CHLSN: variants seen among roughly 807,000 people sequenced by gnomAD.
CHLSN encodes protein cholesin.
chr7:1,107,076 G>A, the CHLSN span, among the ~76,000 whole-genome samples: 14 of 152,208 alleles, frequency 9.2e-5, no homozygotes, highest in Admixed American at 2.6e-4. Flanking sequence ...ACTCGACTCC[G>A]GGAAGGAAGG....
chr7:1,067,961 GGCTTCCC>G, the CHLSN span, among the ~76,000 whole-genome samples: 1 of 152,166 alleles, frequency 6.6e-6, no homozygotes, highest in African/African-American at 2.4e-5. Flanking sequence ...ACACCAGGGA[GGCTTCCC>G]GCCTCTGGCA....
the CHLSN span, among the ~76,000 whole-genome samples, chr7:1,107,805 G>A: frequency 8.6e-5 from 13 of 151,836 alleles, no homozygotes; most frequent in African/African-American, 3.1e-4. Flanking sequence ...ACCCCTGGAG[G>A]AAGCAGAGGA....
the CHLSN span, among the ~76,000 whole-genome samples, chr7:1,060,198 C>T: frequency 6.6e-6 from 1 of 152,118 alleles, no homozygotes; most frequent in African/African-American, 2.4e-5. Flanking sequence ...CGCCTCTCCC[C>T]GATTTTCTAG....
chr7:1,089,022 G>C, the CHLSN span, among the ~76,000 whole-genome samples: 1 of 152,092 alleles, frequency 6.6e-6, no homozygotes, highest in Non-Finnish European at 1.5e-5. Flanking sequence ...ACAAAATTAG[G>C]AAAGAAAATA....
At chr7:1,068,040 C>A in the CHLSN span, among the ~76,000 whole-genome samples, 4 of 152,164 alleles carry the variant, frequency 2.6e-5, no homozygotes, top group African/African-American at 4.8e-5. Context: ...GCACACGCTG[C>A]GGCCCCAGCA....
the CHLSN span, among the ~76,000 whole-genome samples, chr7:1,075,100 G>A: frequency 2.0e-5 from 3 of 152,272 alleles, no homozygotes; most frequent in South Asian, 4.1e-4. Flanking sequence ...CAGCCTTGCC[G>A]CCACCTCCAT....
the CHLSN span, chr7:986,729 C>T: frequency 7.3e-5 from 117 of 1,610,926 alleles, no homozygotes; most frequent in African/African-American, 1.3e-3. Flanking sequence ...CCTGGAGGCG[C>T]GGAGGCCCCA....
chr7:995,025 G>A, the CHLSN span, among the ~76,000 whole-genome samples: 3 of 152,244 alleles, frequency 2.0e-5, no homozygotes, highest in East Asian at 1.9e-4. Flanking sequence ...CGTGAGGGTC[G>A]TCTCCAGGCT....
the CHLSN span, chr7:997,936 G>A: frequency 2.6e-6 from 2 of 777,894 alleles, no homozygotes; most frequent in Non-Finnish European, 4.1e-6. Flanking sequence ...CCGAGGGTGT[G>A]GGCGGCCTGG....
the CHLSN span, chr7:997,823 G>T: frequency 1.3e-6 from 2 of 1,599,820 alleles, no homozygotes; most frequent in Non-Finnish European, 1.7e-6. Flanking sequence ...GAAAGAGATC[G>T]AGTTGGTCAG....
the CHLSN span, among the ~76,000 whole-genome samples, chr7:1,135,085 T>A: frequency 6.6e-6 from 1 of 152,118 alleles, no homozygotes; most frequent in Non-Finnish European, 1.5e-5. Flanking sequence ...TTGACAGGCA[T>A]TTTTCACTTG....
the CHLSN span, among the ~76,000 whole-genome samples, chr7:1,072,370 A>G: frequency 1.5e-4 from 23 of 152,342 alleles, no homozygotes; most frequent in African/African-American, 4.3e-4. Flanking sequence ...AGTGGGGCAG[A>G]CACCGGTTGG....
chr7:1,126,752 T>C, the CHLSN span, among the ~76,000 whole-genome samples: 1 of 152,208 alleles, frequency 6.6e-6, no homozygotes, highest in South Asian at 2.1e-4. Flanking sequence ...TGGTGGTGGA[T>C]ACTCAAATCT....
the CHLSN span, among the ~76,000 whole-genome samples, chr7:1,065,443 C>CA: frequency 6.6e-6 from 1 of 152,276 alleles, no homozygotes; most frequent in Non-Finnish European, 1.5e-5. Flanking sequence ...GACAGATAAA[C>CA]AGATGTGGCC....
chr7:997,753 C>G, the CHLSN span: 9 of 1,610,412 alleles, frequency 5.6e-6, no homozygotes, highest in Middle Eastern at 1.7e-4. Context: ...CGGGCCCGGC[C>G]CTGCAGCCCC....
the CHLSN span, among the ~76,000 whole-genome samples, chr7:1,011,976 A>G: frequency 2.0e-5 from 3 of 152,136 alleles, no homozygotes; most frequent in Non-Finnish European, 4.4e-5. Flanking sequence ...CATGGTGGGG[A>G]TGTGGACACC....
the CHLSN span, chr7:1,127,150 A>C: frequency 1.5e-6 from 2 of 1,347,808 alleles, no homozygotes; most frequent in African/African-American, 3.0e-5. Flanking sequence ...CACCTGTTCC[A>C]GGCTCTGCTC....
the CHLSN span, among the ~76,000 whole-genome samples, chr7:1,011,655 T>C: frequency 8.1e-6 from 1 of 123,454 alleles, no homozygotes. Context: ...AACACCCAGA[T>C]ACCCAAACAC....
At chr7:987,161 G>A in the CHLSN span, 10 of 1,576,396 alleles carry the variant, frequency 6.3e-6, no homozygotes, top group Admixed American at 1.8e-5. Context: ...CTGCACCCTG[G>A]ACATGGTCAT....
Sources: allele counts gnomAD v4.1 joint callset (sites outside exome capture counted in the v4.1 genomes callset), GRCh38; gene constraint gnomAD v4.1.1; transcripts MANE v1.5; gene names NCBI Gene and HGNC (gene_info 2026-07-23, HGNC 2026-07-21).